Variants in ADD3 observed in about 807,000 individuals in gnomAD.
ADD3 encodes the protein adducin 3.
ADD3 carries 25 observed loss-of-function variants against 80.2 expected under a neutral mutation model. That is an observed-to-expected ratio of 0.31 (90% CI 0.23 to 0.44). The LOEUF is 0.44. Ranked by LOEUF, ADD3 falls within the 20% of genes least tolerant of loss-of-function variation. The pLI is 1.00. For missense variants in ADD3, 829 were observed against 847.5 expected, an observed-to-expected ratio of 0.98 and a Z score of 0.27; for synonymous variants, 284 against 289.6, an observed-to-expected ratio of 0.98 and a Z score of 0.20.
chr10:110,048,195 C>T (rs11194965), intron 1 of ADD3, among the ~76,000 whole-genome samples: 18,946 of 152,194 alleles, frequency 0.12, 3,770 homozygotes, highest in African/African-American at 0.42. Flanking sequence ...GTAAGACATG[C>T]CTTTCCCCTT....
Position 110,008,301 on chromosome 10 carries a change from T to C in ADD3, c.-30+2T>C, listed in dbSNP as rs1350569971. On this transcript the variant is annotated splice_donor_variant, in intron 1 of 14. Transcript: ENST00000356080. LOFTEE classifies it low-confidence loss of function (5UTR_SPLICE). The stretch of plus-strand genomic sequence containing the variant: ...ACAAAGCCGGCTACGCGCTGCGAGG[T>C]AATCTTGCGGGGAGAGGACGCGCCG... The C allele has an allele frequency of 6.6e-6, 1 of 151,700 alleles. No individual in the cohort carries two copies. Among genetic ancestry groups the C allele is most frequent in the Non-Finnish European group, 1.5e-5 (1 of 67,950 alleles). 9.4% of individuals were successfully genotyped at this position (151,700 alleles called of 1,614,324 possible).
At chr10:110,066,367 G>T (rs1042202945) in intron 1 of ADD3, among the ~76,000 whole-genome samples, 7 of 152,132 alleles carry the variant, frequency 4.6e-5, no homozygotes, top group Non-Finnish European at 7.4e-5. Context: ...CTCCTGAGTA[G>T]CTGGGACTAC....
At position 110,010,502 on chromosome 10, in the gene ADD3, G is replaced by A. The variant is rs182783065; in HGVS notation, c.-30+2203G>A. Among the ~76,000 whole-genome samples the A allele has an allele frequency of 2.7e-3, 408 of 152,256 alleles. 3 individuals carry two copies. Among genetic ancestry groups the A allele is most frequent in the African/African-American group, 9.3e-3 (385 of 41,530 alleles). On this transcript the variant is annotated intron_variant, in intron 1 of 14. Coordinates refer to ENST00000356080, the MANE Select transcript of ADD3 (RefSeq NM_016824.5). ...TGTTATATGTAAAGTGCTTAGAATG[G>A]GGTTTGTATTCAGTGCTTTTTGTGT...
intron 8 of ADD3, among the ~76,000 whole-genome samples, chr10:110,120,687 G>T (rs541459957): frequency 1.1e-3 from 164 of 152,182 alleles, no homozygotes; most frequent in Non-Finnish European, 1.6e-3. Context: ...AGCCCGCATC[G>T]CCAAGTCAAT....
chr10:110,002,262 CAAAAAG>C (rs1173045931), upstream of ADD3, among the ~76,000 whole-genome samples: 1 of 151,448 alleles, frequency 6.6e-6, no homozygotes, highest in Non-Finnish European at 1.5e-5. Flanking sequence ...CACAAACAAA[CAAAAAG>C]AAACTAGTGA....
intron 2 of ADD3, among the ~76,000 whole-genome samples, chr10:110,110,100 A>T (rs947957820): frequency 7.2e-5 from 11 of 152,336 alleles, no homozygotes; most frequent in Non-Finnish European, 1.5e-4. Flanking sequence ...ACTGGTGCAA[A>T]CTGCTCCATG....
At chr10:110,112,964 T>C (rs1850239272) in intron 3 of ADD3, 49 bp downstream of exon 3, 2 of 1,580,962 alleles carry the variant, frequency 1.3e-6, no homozygotes, top group East Asian at 2.2e-5. Context: ...ACTTCCACTT[T>C]GGACCACTAT....
chr10:110,109,646 A>G (rs1849771897), intron 2 of ADD3, among the ~76,000 whole-genome samples: 1 of 152,216 alleles, frequency 6.6e-6, no homozygotes, highest in African/African-American at 2.4e-5. Context: ...GAACTGAGAA[A>G]AGTTTAAATA....
chr10:110,071,427 T>C (rs957641299), intron 1 of ADD3, among the ~76,000 whole-genome samples: 3 of 152,240 alleles, frequency 2.0e-5, no homozygotes, highest in East Asian at 1.9e-4. Context: ...ATAAAAGTTA[T>C]ACCTCAAAGA....
chr10:110,116,851 A>G (rs1395621758), intron 4 of ADD3, among the ~76,000 whole-genome samples: 1 of 152,180 alleles, frequency 6.6e-6, no homozygotes, highest in East Asian at 1.9e-4. Flanking sequence ...AAAAGATGCT[A>G]TTTGGAAACA....
intron 1 of ADD3, among the ~76,000 whole-genome samples, chr10:110,042,811 T>A (rs559201906): frequency 2.2e-4 from 34 of 152,250 alleles, no homozygotes; most frequent in African/African-American, 7.7e-4. Flanking sequence ...TGAGAAAGTT[T>A]ACAGTAATGG....
intron 1 of ADD3, among the ~76,000 whole-genome samples, chr10:110,085,932 C>G (rs982706202): frequency 1.3e-5 from 2 of 151,816 alleles, no homozygotes; most frequent in African/African-American, 4.8e-5. Context: ...ATGGAGAAAC[C>G]CCTTCTCTAC....
chr10:110,085,841 C>T (rs1363919069), intron 1 of ADD3, among the ~76,000 whole-genome samples: 1 of 152,206 alleles, frequency 6.6e-6, no homozygotes, highest in Non-Finnish European at 1.5e-5. Context: ...CATGGTGGCT[C>T]ACGCCTGTAA....
intron 1 of ADD3, among the ~76,000 whole-genome samples, chr10:110,070,749 G>A (rs1236527409): frequency 6.6e-6 from 1 of 152,050 alleles, no homozygotes; most frequent in Non-Finnish European, 1.5e-5. Flanking sequence ...AAAGATTGGG[G>A]GGTAGGGGTG....
intron 10 of ADD3, 135 bp from the exon 11 acceptor site, chr10:110,125,691 C>T: frequency 4.0e-6 from 2 of 500,518 alleles, no homozygotes; most frequent in East Asian, 3.3e-5. Flanking sequence ...GAAACTAATT[C>T]ACCACTAAGA....
At chr10:110,053,955 C>T (rs1023974683) in intron 1 of ADD3, among the ~76,000 whole-genome samples, 4 of 152,248 alleles carry the variant, frequency 2.6e-5, no homozygotes, top group South Asian at 4.1e-4. Context: ...GACAAGAAAA[C>T]AAACCGACCT....
intron 1 of ADD3, among the ~76,000 whole-genome samples, chr10:110,028,144 T>C (rs73349446): frequency 0.078 from 11,932 of 152,264 alleles, 1,512 homozygotes; most frequent in African/African-American, 0.27. Context: ...ATGGATAATA[T>C]TTGGTACATA....
chr10:110,039,246 C>T (rs1211554020), intron 1 of ADD3, among the ~76,000 whole-genome samples: 1 of 152,148 alleles, frequency 6.6e-6, no homozygotes, highest in Non-Finnish European at 1.5e-5. Flanking sequence ...CTACCACCTC[C>T]TCCCATCCTT....
chr10:110,106,716 T>G (rs1849431550), intron 2 of ADD3, among the ~76,000 whole-genome samples: 1 of 151,812 alleles, frequency 6.6e-6, no homozygotes, highest in Non-Finnish European at 1.5e-5. Flanking sequence ...TTTCACCTAG[T>G]GATTTTTTTA....
Sources: allele counts gnomAD v4.1 joint callset (sites outside exome capture counted in the v4.1 genomes callset), GRCh38; gene constraint gnomAD v4.1.1; transcripts MANE v1.5; gene names NCBI Gene and HGNC (gene_info 2026-07-23, HGNC 2026-07-21).